CCDC40: variants seen among roughly 807,000 people sequenced by gnomAD.
CCDC40 encodes the protein coiled-coil domain-containing protein 40.
In CCDC40, 104 loss-of-function variants were observed where a neutral mutation model predicts 124.5. That is an observed-to-expected ratio of 0.84 (90% CI 0.71 to 0.98). CCDC40 has a LOEUF of 0.98. Ranked by LOEUF, CCDC40 falls within the 50% of genes least tolerant of loss-of-function variation. The pLI is 0.00. For synonymous variants in CCDC40, 580 were observed against 602.9 expected, an observed-to-expected ratio of 0.96 and a Z score of 0.56; for missense variants, 1,463 against 1,503.9, an observed-to-expected ratio of 0.97 and a Z score of 0.45.
Position 80,084,998 on chromosome 17 carries a change from C to G in CCDC40, c.2235+10C>G. On this transcript the variant is annotated intron_variant, in intron 13 of 19. Coordinates refer to ENST00000397545, the MANE Select transcript of CCDC40 (RefSeq NM_017950.4). ...GGTCTCCGAGCTGGGGGTGAGGTCC[C>G]AGGCAGGGAGACGTGGTCCCCGGCT... The G allele has an allele frequency of 2.5e-6, 4 of 1,613,094 alleles. No individual in the cohort carries two copies. The highest frequency in any genetic ancestry group is 3.4e-6 in the Non-Finnish European group (4 of 1,179,970).
intron 1 of CCDC40, among the ~76,000 whole-genome samples, chr17:80,037,688 A>AAAAAAATATATATAT: frequency 6.6e-5 from 3 of 45,674 alleles, no homozygotes; most frequent in African/African-American, 1.8e-4. Context: ...TTTTTTAAAA[A>AAAAAAATATATATAT]AGATATACAT....
chr17:80,069,006 G>A (rs2143695704), intron 10 of CCDC40, among the ~76,000 whole-genome samples: 1 of 152,300 alleles, frequency 6.6e-6, no homozygotes, highest in South Asian at 2.1e-4. Flanking sequence ...GTCCACATGG[G>A]CGGGAGGTGT....
At chr17:80,093,435 G>A (rs908666245) in intron 17 of CCDC40, among the ~76,000 whole-genome samples, 16 of 151,986 alleles carry the variant, frequency 1.1e-4, no homozygotes, top group African/African-American at 3.1e-4. Flanking sequence ...CACCTGCCTC[G>A]GCCTCCCAAA....
At chr17:80,091,319 AC>A (rs1257463522) in intron 17 of CCDC40, among the ~76,000 whole-genome samples, 100 of 150,738 alleles carry the variant, frequency 6.6e-4, no homozygotes, top group African/African-American at 2.3e-3. Flanking sequence ...ACACACACAC[AC>A]ACACACACAC....
chr17:80,080,611 T>G (rs945915532), intron 10 of CCDC40, among the ~76,000 whole-genome samples: 6 of 152,330 alleles, frequency 3.9e-5, no homozygotes, highest in African/African-American at 1.4e-4. Flanking sequence ...TCTGTAAAGC[T>G]GGACTATTTC....
intron 2 of CCDC40, among the ~76,000 whole-genome samples, chr17:80,038,931 C>T (rs922532091): frequency 9.9e-5 from 15 of 152,226 alleles, no homozygotes; most frequent in African/African-American, 3.6e-4. Context: ...AAACTCAATT[C>T]AGTTGAAGAG....
Position 80,086,030 on chromosome 17 carries a change from G to C in CCDC40, c.2263G>C (p.Glu755Gln). 1.2e-6 allele frequency: 2 copies of C among 1,614,076 alleles called. No homozygotes were observed. Among genetic ancestry groups the C allele is most frequent in the Non-Finnish European group, 1.7e-6 (2 of 1,180,024 alleles). The change falls in exon 14 of 20, where the codon GAA becomes CAA. Residue 755 changes from glutamate to glutamine, a missense_variant. Physicochemically the swap from Glu to Gln is conservative, Grantham distance 29. Coordinates refer to ENST00000397545, the MANE Select transcript of CCDC40 (RefSeq NM_017950.4). The surrounding 1 kb of genome is among the most constrained non-coding windows in gnomAD (Gnocchi z 5.5). ...GGAAGAAGTGGGGCCCCTGGAGCTT[G>C]AAATCAAAAGGCTGAGCAAGCTGAT... ...GGEEVGPLEL[E>Q]IKRLSKLIDE...
intron 17 of CCDC40, chr17:80,090,660 C>T (rs938980056): frequency 1.8e-5 from 26 of 1,437,340 alleles, no homozygotes; most frequent in Non-Finnish European, 2.3e-5. Flanking sequence ...TCATCCTTCA[C>T]AGCCGCGTTG....
chr17:80,082,568 C>G (rs944593760), intron 12 of CCDC40, among the ~76,000 whole-genome samples: 1 of 152,192 alleles, frequency 6.6e-6, no homozygotes, highest in Non-Finnish European at 1.5e-5. Context: ...AGAGCACATC[C>G]TAGCAGTGGG....
chr17:80,080,681 G>A (rs545148699), intron 10 of CCDC40, among the ~76,000 whole-genome samples: 47 of 152,258 alleles, frequency 3.1e-4, no homozygotes, highest in Middle Eastern at 3.4e-3. Flanking sequence ...CTAGCCCAAC[G>A]TCTGACCCAT....
At chr17:80,064,341 G>A (rs369231489) in intron 9 of CCDC40, among the ~76,000 whole-genome samples, 6 of 152,066 alleles carry the variant, frequency 3.9e-5, no homozygotes, top group Non-Finnish European at 7.4e-5. Flanking sequence ...TCTACAGGAC[G>A]CCCCAGTTGG....
chr17:80,075,483 C>T (rs905159002), intron 10 of CCDC40, among the ~76,000 whole-genome samples: 7 of 152,210 alleles, frequency 4.6e-5, no homozygotes, highest in African/African-American at 1.7e-4. Context: ...TTATTGGGGA[C>T]AGATGTGCAA....
intron 3 of CCDC40, among the ~76,000 whole-genome samples, chr17:80,046,395 T>G (rs1201400071): frequency 6.6e-6 from 1 of 151,906 alleles, no homozygotes; most frequent in Non-Finnish European, 1.5e-5. Context: ...TAGACCAGTG[T>G]GGTGGTGTGC....
rs760449858 is a variant in CCDC40 at position 80,082,075 on chromosome 17, G to C, written c.1989+17G>C. On this transcript the variant is annotated intron_variant, in intron 12 of 19. Transcript: ENST00000397545. The stretch of plus-strand genomic sequence containing the variant: ...ACCAACATGGTAGGCCCCTGCCCCA[G>C]GGAGGGGCTGTGCGAAGCCCCCTGC... The C allele has an allele frequency of 6.2e-7, 1 of 1,611,710 alleles. No individual in the cohort carries two copies. The highest frequency in any genetic ancestry group is 8.5e-7 in the Non-Finnish European group (1 of 1,178,948).
At chr17:80,052,125 C>G (rs1177321160) in intron 7 of CCDC40, among the ~76,000 whole-genome samples, 1 of 152,218 alleles carries the variant, frequency 6.6e-6, no homozygotes, top group South Asian at 2.1e-4. Context: ...CGGTCACCTG[C>G]CTCATCTGGG....
rs371890970 is a variant in CCDC40, at chr17:80,047,387, G to A, written c.661G>A (p.Val221Ile). Residue 221 changes from valine (V) to isoleucine (I), a missense_variant, in exon 4 of 20, where the codon GTC becomes ATC. Val to Ile is a conservative substitution (Grantham distance 29). Transcript: ENST00000397545. ...CGAGTCCTCAGACCTGGAGGAGTTC[G>A]TCTCGCAGGAGCCAGGTGCCACCCA... ...DIESSDLEEF[V>I]SQEPVIPPGV... 5.5e-5 allele frequency: 89 copies of A among 1,612,780 alleles called. 1 individual carries two copies. The South Asian group carries it at 6.9e-4, about 13-fold the overall frequency.
At chr17:80,090,784 T>C in intron 17 of CCDC40, 5 of 1,284,802 alleles carry the variant, frequency 3.9e-6, no homozygotes, top group African/African-American at 3.0e-5. Context: ...GAGCAGTTCA[T>C]AAAATAAATG....
intron 10 of CCDC40, among the ~76,000 whole-genome samples, chr17:80,077,191 C>T (rs985437390): frequency 2.0e-5 from 3 of 152,162 alleles, no homozygotes; most frequent in African/African-American, 7.2e-5. Context: ...ACTGAACCTG[C>T]AGTATCTCCA....
rs765676395 is a variant in CCDC40 at position 80,099,621 on chromosome 17, C to A, written c.3275C>A (p.Ser1092Tyr). The A allele has an allele frequency of 2.3e-5, 37 of 1,613,764 alleles. No homozygotes were observed. Among genetic ancestry groups the A allele is most frequent in the Non-Finnish European group, 3.0e-5 (35 of 1,180,022 alleles). ...GTGTTCCTGTTCCGCTCCAAGCAGTCCCTAGTGCTGGAGCGCCAGCGCCTG... is the reference window on the plus strand; with the variant it reads ...GTGTTCCTGTTCCGCTCCAAGCAGTACCTAGTGCTGGAGCGCCAGCGCCTG... ...RYVFLFRSKQ[S>Y]LVLERQRLDK... The change falls in exon 20 of 20, where the codon TCC becomes TAC. Residue 1092 changes from serine (S) to tyrosine (Y), a missense_variant. Transcript: ENST00000397545.
Sources: allele counts gnomAD v4.1 joint callset (sites outside exome capture counted in the v4.1 genomes callset), GRCh38; gene constraint gnomAD v4.1.1; non-coding constraint Gnocchi (gnomAD v3.1); transcripts MANE v1.5; gene names NCBI Gene and HGNC (gene_info 2026-07-23, HGNC 2026-07-21).